DIS3: variants seen among roughly 807,000 people sequenced by gnomAD.
The protein encoded by DIS3 is DIS3 exosome endoribonuclease and 3'-5' exoribonuclease.
Under a neutral mutation model 113.0 loss-of-function variants are expected in DIS3, and 103 were observed. The observed-to-expected ratio is 0.91, with a 90% confidence interval of 0.78 to 1.07. DIS3 has a LOEUF of 1.07. Among genes scored for constraint, DIS3 ranks in the 50% least tolerant of loss-of-function variants. The pLI, the probability that DIS3 is intolerant of heterozygous loss-of-function variation, is 0.00. For synonymous variants in DIS3, 402 were observed against 394.3 expected (o/e 1.02, Z -0.23); for missense variants, 1,121 against 1,167.1 (o/e 0.96, Z 0.58).
rs771563272 is a variant in DIS3 at position 72,772,700 on chromosome 13, G to T, written c.1379C>A (p.Thr460Asn). The change falls in exon 9 of 21, where the codon ACT becomes AAT. Residue 460 changes from threonine (T) to asparagine (N), a missense_variant. Physicochemically the swap from Thr to Asn is moderately conservative, Grantham distance 65. Coordinates refer to ENST00000377767, the MANE Select transcript of DIS3 (RefSeq NM_014953.5). The stretch of plus-strand genomic sequence containing the variant: ...AAATTACTTTCAACTTACCTTTTCA[G>T]TAATGCTCCAGGGCATCTTTGGCAG... Reference protein sequence around the residue: ...SFLPKMPWSITEKDMKNREDL... With the variant: ...SFLPKMPWSINEKDMKNREDL... 1 of 1,606,474 alleles carries T rather than the reference G, an allele frequency of 6.2e-7. No individual in the cohort carries two copies. Among genetic ancestry groups the T allele is most frequent in the Non-Finnish European group, 8.5e-7 (1 of 1,178,060 alleles).
At position 72,758,536 on chromosome 13, in the gene DIS3, A is replaced by G. The variant is rs2033549930; in HGVS notation, c.*1259T>C. On this transcript the variant is annotated 3_prime_UTR_variant, in exon 21 of 21. Transcript: ENST00000377767. ...AAAATGTTCTAGCACTTCACAGAAA[A>G]GGTTTTTTGACTCCTACTCTACTGT... 1 of 216,072 alleles carries G rather than the reference A, an allele frequency of 4.6e-6. No homozygotes were observed. Among genetic ancestry groups the G allele is most frequent in the Non-Finnish European group, 9.3e-6 (1 of 107,122 alleles). The allele number at this position is 216,072 out of a possible 1,614,324, so 13.4% of individuals were successfully genotyped here. A position where few individuals can be genotyped will look rare whatever the true frequency, so the allele number is the denominator to read the frequency against.
Position 72,759,918 on chromosome 13 carries a change from G to A in DIS3, c.2794-40C>T, listed in dbSNP as rs536283175. ...ATGGGGGGAAATAAGGTGATTTAAA[G>A]GATAGAATACATCTCAACCTCATCC... On this transcript the variant is annotated intron_variant, in intron 20 of 20. Coordinates refer to ENST00000377767, the MANE Select transcript of DIS3 (RefSeq NM_014953.5). 1.8e-4 allele frequency: 277 copies of A among 1,506,396 alleles called. 2 individuals are homozygous for A. The South Asian group carries it at 3.1e-3, about 17-fold the overall frequency. 93.3% of individuals were successfully genotyped at this position (1,506,396 alleles called of 1,614,324 possible).
rs1566231229 is a variant in DIS3, at chr13:72,753,835, A to T, written c.*5960T>A. On this transcript the variant is annotated 3_prime_UTR_variant, in exon 21 of 21. Transcript: ENST00000377767. ...TTTAATATGAAGGTACGGAGAAAAT[A>T]TAGTGAAAGCTTAATATTGTTTAGA... The T allele has an allele frequency of 6.2e-7, 1 of 1,602,602 alleles. No individual in the cohort carries two copies. Among genetic ancestry groups the T allele is most frequent in the African/African-American group, 1.3e-5 (1 of 74,746 alleles).
At chr13:72,771,761 A>G (rs376741007) in intron 11 of DIS3, 34 bp downstream of exon 11, 10 of 1,598,470 alleles carry the variant, frequency 6.3e-6, no homozygotes, top group Non-Finnish European at 8.5e-6. Flanking sequence ...TTAAGTGTCC[A>G]TGACTGTTAA....
chr13:72,768,479 A>C (rs554512872), intron 14 of DIS3, among the ~76,000 whole-genome samples: 5 of 152,144 alleles, frequency 3.3e-5, no homozygotes, highest in Non-Finnish European at 7.3e-5. Flanking sequence ...GTGAAACTCC[A>C]TATCTACTAA....
chr13:72,780,325 C>CA (rs397851597), intron 2 of DIS3, among the ~76,000 whole-genome samples: 7,023 of 55,402 alleles, frequency 0.13, 1,002 homozygotes, highest in Non-Finnish European at 0.16. Context: ...GACTCCATCT[C>CA]AAAAAAAAAA....
Position 72,781,745 on chromosome 13 carries a change from C to A in DIS3, c.88G>T (p.Gly30Cys), listed in dbSNP as rs1398551510. The stretch of plus-strand genomic sequence containing the variant: ...GCTGCGCACCCGGGCGCACCGCAGC[C>A]GATGTCGTCTCGCAGGTAGTGCTCG... ...VREHYLRDDI[G>C]CGAPGCAACG... Residue 30 changes from glycine to cysteine, a missense_variant, in exon 1 of 21, where the codon GGC becomes TGC. By Grantham distance (159) the Gly-to-Cys change is radical. This residue lies in a region of DIS3 where 254 missense variants were observed against 232.2 expected (regional missense o/e 1.09). Coordinates refer to ENST00000377767, the MANE Select transcript of DIS3 (RefSeq NM_014953.5). 2 of 1,596,072 alleles carry A rather than the reference C, an allele frequency of 1.3e-6. No homozygotes were observed. Among genetic ancestry groups the A allele is most frequent in the Non-Finnish European group, 1.7e-6 (2 of 1,172,028 alleles).
rs201504105 is a variant in DIS3 at position 72,775,206 on chromosome 13, C to G, written c.987+5G>C. 118 of 1,608,982 alleles carry G rather than the reference C, an allele frequency of 7.3e-5. No individual in the cohort carries two copies. Among genetic ancestry groups the G allele is most frequent in the Non-Finnish European group, 9.5e-5 (112 of 1,177,908 alleles). On this transcript the variant is annotated splice_donor_5th_base_variant and intron_variant, in intron 6 of 20. Coordinates refer to ENST00000377767, the MANE Select transcript of DIS3 (RefSeq NM_014953.5). ...GACAAAAAAAAATCCTGCTTAGATT[C>G]ATACCATTCGTTCTGTCTCTTCTTC...
intron 8 of DIS3, 41 bp from the exon 9 acceptor site, chr13:72,772,880 C>T: frequency 6.5e-7 from 1 of 1,542,298 alleles, no homozygotes; most frequent in Non-Finnish European, 8.7e-7. Context: ...TATTTTATAG[C>T]AAATTTACAT....
Position 72,756,957 on chromosome 13 carries a change from C to T in DIS3, c.*2838G>A, listed in dbSNP as rs929226376. ...TCATCTGTTAAATGGAGATAACAGT[C>T]CTGGCTTAACAGGGCTTTTTGAGTT... On this transcript the variant is annotated 3_prime_UTR_variant, in exon 21 of 21. Coordinates refer to ENST00000377767, the MANE Select transcript of DIS3 (RefSeq NM_014953.5). The T allele has an allele frequency of 6.6e-6, 1 of 152,128 alleles. No homozygotes were observed. Among genetic ancestry groups the T allele is most frequent in the Non-Finnish European group, 1.5e-5 (1 of 68,028 alleles). The allele number at this position is 152,128 out of a possible 1,614,324, so 9.4% of individuals were successfully genotyped here. A position where few individuals can be genotyped will look rare whatever the true frequency, so the allele number is the denominator to read the frequency against.
chr13:72,771,291 T>G (rs988017771), intron 11 of DIS3, 146 bp from the exon 12 acceptor site: 2 of 685,180 alleles, frequency 2.9e-6, no homozygotes, highest in Non-Finnish European at 4.8e-6. Flanking sequence ...AAAGGTCAAA[T>G]AAAAGGTTTG....
intron 1 of DIS3, 38 bp downstream of exon 1, chr13:72,781,567 G>A: frequency 2.0e-6 from 3 of 1,479,172 alleles, no homozygotes; most frequent in South Asian, 1.4e-5. Flanking sequence ...CCTTGTCCCC[G>A]TGGGGCCGCG....
chr13:72,764,135 G>C (rs1381000531), intron 15 of DIS3, among the ~76,000 whole-genome samples: 2 of 152,108 alleles, frequency 1.3e-5, no homozygotes, highest in Non-Finnish European at 2.9e-5. Context: ...CTGGGTGACA[G>C]AGCAAGACTC....
Position 72,758,123 on chromosome 13 carries a change from G to A in DIS3, c.*1672C>T, listed in dbSNP as rs2033536416. The stretch of plus-strand genomic sequence containing the variant: ...ATATATCTATATATATATTTTTACT[G>A]TACCTTTTCTATGTTTAGATATGTT... On this transcript the variant is annotated 3_prime_UTR_variant, in exon 21 of 21. Transcript: ENST00000377767. 1.7e-5 allele frequency: 3 copies of A among 180,306 alleles called. No homozygotes were observed. In the South Asian group the frequency reaches 6.0e-4, roughly 36 times the overall value. 11.2% of individuals were successfully genotyped at this position (180,306 alleles called of 1,614,324 possible).
At chr13:72,763,730 CAT>C (rs1437569929) in intron 15 of DIS3, 123 bp from the exon 16 acceptor site, 3 of 914,716 alleles carry the variant, frequency 3.3e-6, no homozygotes, top group East Asian at 2.7e-5. Flanking sequence ...TGTAAACATT[CAT>C]ATGTGTGTGT....
rs559776849 is a variant in DIS3 at position 72,761,401 on chromosome 13, T to A, written c.2632A>T (p.Lys878Ter). 6.2e-7 allele frequency: 1 copy of A among 1,608,740 alleles called. No individual in the cohort carries two copies. The highest frequency in any genetic ancestry group is 8.5e-7 in the Non-Finnish European group (1 of 1,178,862). ...ATAAGCTGTGGGTTTGGTTTGTCCT[T>A]TTCTTCAAAAAAGACTGTCCCTTCT... ...GLEGTVFFEE[K>*]DKPNPQLIYD... The change falls in exon 19 of 21, where the codon AAG becomes TAG. Residue 878 changes from lysine to a stop codon, truncating the protein, a stop_gained. Transcript: ENST00000377767. LOFTEE classifies it high-confidence loss of function.
Position 72,781,604 on chromosome 13 carries a change from C to G in DIS3, c.228+1G>C. 6.6e-7 allele frequency: 1 copy of G among 1,509,634 alleles called. No homozygotes were observed. The highest frequency in any genetic ancestry group is 8.9e-7 in the Non-Finnish European group (1 of 1,124,622). 93.5% of individuals were successfully genotyped at this position (1,509,634 alleles called of 1,614,324 possible). On this transcript the variant is annotated splice_donor_variant, in intron 1 of 20. Transcript: ENST00000377767. LOFTEE classifies it high-confidence loss of function. Reference sequence around the variant, plus strand: ...TGTCCGCGGTTCGCCCGCCCACGCACCTGGTGCAGTAACACATTAGTGTCG... The same window carrying G: ...TGTCCGCGGTTCGCCCGCCCACGCAGCTGGTGCAGTAACACATTAGTGTCG...
Position 72,781,868 on chromosome 13 carries a change from G to T in DIS3, c.-36C>A, listed in dbSNP as rs907552353. The stretch of plus-strand genomic sequence containing the variant: ...CGCGCAGAATCCTAACCCCAGCAGC[G>T]CTCTTCCAGCAAAAGGCGTCAATCT... On this transcript the variant is annotated 5_prime_UTR_variant, in exon 1 of 21. Coordinates refer to ENST00000377767, the MANE Select transcript of DIS3 (RefSeq NM_014953.5). The T allele has an allele frequency of 2.0e-6, 3 of 1,493,156 alleles. No individual in the cohort carries two copies. The highest frequency in any genetic ancestry group is 2.5e-5 in the East Asian group (1 of 40,022). The allele number at this position is 1,493,156 out of a possible 1,614,324, so 92.5% of individuals were successfully genotyped here. A position where few individuals can be genotyped will look rare whatever the true frequency, so the allele number is the denominator to read the frequency against.
At position 72,772,205 on chromosome 13, in the gene DIS3, A is replaced by G. The variant is rs1207892542; in HGVS notation, c.1457T>C (p.Ile486Thr). The G allele has an allele frequency of 2.3e-5, 37 of 1,613,480 alleles. No individual in the cohort carries two copies. Among genetic ancestry groups the G allele is most frequent in the Admixed American group, 1.8e-4 (11 of 59,980 alleles). ...CSVDPPGCTD[I>T]DDALHCRELE... ...TTCTCGACAATGTAGAGCATCGTCT[A>G]TATCAGTACATCCTGGTGGGTCTAC... Residue 486 changes from isoleucine (I) to threonine (T), a missense_variant, in exon 10 of 21, where the codon ATA (isoleucine) becomes ACA (threonine). Physicochemically the swap from Ile to Thr is moderately conservative, Grantham distance 89. This residue lies in a region of DIS3 where 861 missense variants were observed against 915.5 expected (regional missense o/e 0.94). Transcript: ENST00000377767.
Sources: allele counts gnomAD v4.1 joint callset (sites outside exome capture counted in the v4.1 genomes callset), GRCh38; gene constraint gnomAD v4.1.1; regional missense constraint gnomAD v4.1.1; transcripts MANE v1.5; gene names NCBI Gene and HGNC (gene_info 2026-07-23, HGNC 2026-07-21).